The following SORCS2 variants were observed in gnomAD, a reference collection of about 807,000 sequenced individuals.
SORCS2 encodes the protein VPS10 domain-containing receptor SorCS2.
In SORCS2, 100 loss-of-function variants were observed where a neutral mutation model predicts 141.6. The observed-to-expected ratio is 0.71, with a 90% CI of 0.60 to 0.83. The LOEUF is 0.83. Among genes scored for constraint, SORCS2 ranks in the 40% least tolerant of loss-of-function variants. SORCS2 has a pLI of 0.00. For synonymous variants in SORCS2, 789 were observed against 676.9 expected (o/e 1.17, Z -2.57); for missense variants, 1,646 against 1,560.2 (o/e 1.05, Z -0.93).
intron 1 of SORCS2, among the ~76,000 whole-genome samples, chr4:7,238,732 C>T (rs1712472412): frequency 6.6e-6 from 1 of 152,190 alleles, no homozygotes; most frequent in African/African-American, 2.4e-5. Context: ...CTCCTCCTGT[C>T]ACTAGCTTGG....
intron 1 of SORCS2, among the ~76,000 whole-genome samples, chr4:7,312,321 C>T (rs190277610): frequency 1.3e-5 from 2 of 152,332 alleles, no homozygotes; most frequent in Admixed American, 1.3e-4. Flanking sequence ...GATCAACCCT[C>T]AGCTGGACCC....
At chr4:7,375,458 G>A (rs897471004) in intron 1 of SORCS2, among the ~76,000 whole-genome samples, 3 of 152,200 alleles carry the variant, frequency 2.0e-5, no homozygotes, top group South Asian at 2.1e-4. Flanking sequence ...GCAGGATACC[G>A]CGGTGGGATT....
intron 3 of SORCS2, among the ~76,000 whole-genome samples, chr4:7,637,696 C>G (rs1220419740): frequency 1.3e-5 from 2 of 152,004 alleles, no homozygotes; most frequent in Non-Finnish European, 2.9e-5. Flanking sequence ...CCCAGGCACT[C>G]ATGAATGAAT....
At chr4:7,302,372 C>T (rs544461223) in intron 1 of SORCS2, among the ~76,000 whole-genome samples, 37 of 152,308 alleles carry the variant, frequency 2.4e-4, no homozygotes, top group African/African-American at 6.0e-4. Context: ...AGGTCACGAC[C>T]GGATCCTCCA....
intron 2 of SORCS2, among the ~76,000 whole-genome samples, chr4:7,412,066 G>T (rs1725358968): frequency 6.6e-6 from 1 of 152,234 alleles, no homozygotes; most frequent in Non-Finnish European, 1.5e-5. Context: ...CTGTGTGGCA[G>T]AAATGCAGCT....
At chr4:7,295,199 C>A (rs1468883127) in intron 1 of SORCS2, among the ~76,000 whole-genome samples, 1 of 95,420 alleles carries the variant, frequency 1.0e-5, no homozygotes, top group African/African-American at 4.4e-5. Context: ...CCCTCTTCTT[C>A]CCCCGGCTCC....
chr4:7,269,327 G>T (rs73799443), intron 1 of SORCS2, among the ~76,000 whole-genome samples: 8,156 of 152,272 alleles, frequency 0.054, 718 homozygotes, highest in African/African-American at 0.18. Flanking sequence ...GGCCGCCAGG[G>T]CCCCCGGTTG....
intron 3 of SORCS2, among the ~76,000 whole-genome samples, chr4:7,565,962 G>A (rs551415465): frequency 9.7e-6 from 1 of 103,234 alleles, no homozygotes; most frequent in South Asian, 5.1e-4. Context: ...TAGTGATGGT[G>A]ATGCTGTGAT....
chr4:7,685,697 A>ATG (rs1301352944), intron 10 of SORCS2, among the ~76,000 whole-genome samples: 1 of 151,350 alleles, frequency 6.6e-6, no homozygotes, highest in Non-Finnish European at 1.5e-5. Context: ...AAATATATAT[A>ATG]TATATGACAG....
intron 11 of SORCS2, 105 bp downstream of exon 11, chr4:7,689,693 T>C: frequency 9.6e-7 from 1 of 1,041,726 alleles, no homozygotes; most frequent in South Asian, 1.7e-5. Flanking sequence ...GGCCATAGTA[T>C]GTCCTTTAGG....
At chr4:7,677,345 C>G (rs1355433079) in intron 9 of SORCS2, among the ~76,000 whole-genome samples, 2 of 152,260 alleles carry the variant, frequency 1.3e-5, no homozygotes, top group Non-Finnish European at 2.9e-5. Context: ...TCCTTTGTTC[C>G]TGAGATGCCA....
At chr4:7,618,600 A>T (rs1170451058) in intron 3 of SORCS2, among the ~76,000 whole-genome samples, 1 of 152,050 alleles carries the variant, frequency 6.6e-6, no homozygotes. Flanking sequence ...CCAAACGCCA[A>T]GTTTGGTGCC....
chr4:7,600,147 T>G (rs1452895566), intron 3 of SORCS2, among the ~76,000 whole-genome samples: 9 of 152,152 alleles, frequency 5.9e-5, no homozygotes, highest in African/African-American at 1.9e-4. Flanking sequence ...TCTAAAGGTT[T>G]AAAAGCATGA....
chr4:7,542,656 C>T (rs973948552), intron 3 of SORCS2, among the ~76,000 whole-genome samples: 8 of 152,218 alleles, frequency 5.3e-5, no homozygotes, highest in African/African-American at 1.9e-4. Context: ...GACACATTTC[C>T]ACTGTTTGAA....
chr4:7,382,833 ACGCCTCCTGC>A (rs1723071054), intron 1 of SORCS2, among the ~76,000 whole-genome samples: 8 of 152,248 alleles, frequency 5.3e-5, no homozygotes, highest in African/African-American at 1.7e-4. Flanking sequence ...TGCGGGGCCC[ACGCCTCCTGC>A]TGGCACAGGG....
intron 1 of SORCS2, among the ~76,000 whole-genome samples, chr4:7,384,637 C>A (rs1354655591): frequency 6.6e-6 from 1 of 152,260 alleles, no homozygotes; most frequent in African/African-American, 2.4e-5. Context: ...GAACGTCCGG[C>A]TCCACCCAAG....
chr4:7,433,237 C>G, intron 2 of SORCS2: 1 of 1,312,442 alleles, frequency 7.6e-7, no homozygotes, highest in Non-Finnish European at 9.7e-7. Context: ...TTCAGTTTTT[C>G]ATTTGTGAAA....
At chr4:7,737,243 C>T (rs765249038) in intron 26 of SORCS2, 71 bp downstream of exon 26, 33 of 1,540,672 alleles carry the variant, frequency 2.1e-5, no homozygotes, top group Non-Finnish European at 2.9e-5. Flanking sequence ...CCACCCCGCC[C>T]TCCCACAGGC....
intron 14 of SORCS2, among the ~76,000 whole-genome samples, chr4:7,711,348 A>G (rs1725814902): frequency 6.6e-6 from 1 of 152,126 alleles, no homozygotes; most frequent in South Asian, 2.1e-4. Context: ...ACCTCTTTCA[A>G]CACCTCCCTA....
Sources: gnomAD v4.1 joint callset for allele counts (sites outside exome capture counted in the v4.1 genomes callset) on GRCh38, gnomAD v4.1.1 for gene constraint, MANE v1.5 for transcripts, NCBI Gene and HGNC (gene_info 2026-07-23, HGNC 2026-07-21) for gene names.